Variants in ZNF331 observed in about 807,000 individuals in gnomAD.
The protein encoded by ZNF331 is zinc finger protein 331.
ZNF331 carries 2 observed loss-of-function variants against 7.0 expected under a neutral mutation model. The ratio of observed to expected loss-of-function variants is 0.29; its 90% confidence interval spans 0.12 to 0.90. ZNF331 has a LOEUF of 0.90. ZNF331 is among the 40% of genes least tolerant of loss of function. ZNF331 has a pLI of 0.58. For synonymous variants in ZNF331, 196 were observed against 205.4 expected (o/e 0.95, Z 0.39); for missense variants, 432 against 587.7 (o/e 0.74, Z 2.74).
upstream of ZNF331, among the ~76,000 whole-genome samples, chr19:53,515,018 A>G (rs2086870427): frequency 6.6e-6 from 1 of 152,214 alleles, no homozygotes; most frequent in Non-Finnish European, 1.5e-5. Flanking sequence ...ACATCCTCAG[A>G]GAAGCTTTCC....
In ZNF331 at chr19:53,578,257, G is replaced by A; in HGVS notation, c.*305G>A. The A allele has an allele frequency of 2.9e-6, 1 of 347,512 alleles. No homozygotes were observed. The highest frequency in any genetic ancestry group is 5.3e-6 in the Non-Finnish European group (1 of 187,484). The allele number at this position is 347,512 out of a possible 1,614,324, so 21.5% of individuals were successfully genotyped here. A position where few individuals can be genotyped will look rare whatever the true frequency, so the allele number is the denominator to read the frequency against. The stretch of plus-strand genomic sequence containing the variant: ...ACTATCCCAGCATCACAGTGCCTGT[G>A]CCCAAGCAGTCCTCACTTTGCTTAA... On this transcript the variant is annotated 3_prime_UTR_variant, in exon 6 of 6. Coordinates refer to ENST00000449416, the MANE Select transcript of ZNF331 (RefSeq NM_001079906.2).
At position 53,576,727 on chromosome 19, in the gene ZNF331, T is replaced by C. The variant is rs1443000856; in HGVS notation, c.167T>C (p.Leu56Ser). 6.2e-6 allele frequency: 10 copies of C among 1,611,580 alleles called. No homozygotes were observed. The highest frequency in any genetic ancestry group is 2.2e-5 in the East Asian group (1 of 44,864). Reference protein sequence around the residue: ...DLESAYENKSLPTEKNIHEIR... With the variant: ...DLESAYENKSSPTEKNIHEIR... ...GAGTCAGCATATGAAAATAAGAGTTTACCTACAGAAAAAAACATTCATGAA... is the reference window on the plus strand; with the variant it reads ...GAGTCAGCATATGAAAATAAGAGTTCACCTACAGAAAAAAACATTCATGAA... Residue 56 changes from leucine to serine, a missense_variant, in exon 6 of 6, where the codon TTA (leucine) becomes TCA (serine). Physicochemically the swap from Leu to Ser is moderately radical, Grantham distance 145 (BLOSUM62 -2). Transcript: ENST00000449416.
At chr19:53,511,131 G>A in the ZNF331 span, among the ~76,000 whole-genome samples, 1 of 152,080 alleles carries the variant, frequency 6.6e-6, no homozygotes, top group Admixed American at 6.6e-5. Flanking sequence ...AAGCAAAAGT[G>A]AAGAGAAAAC....
chr19:53,534,044 T>G (rs910334944), upstream of ZNF331, among the ~76,000 whole-genome samples: 1 of 152,222 alleles, frequency 6.6e-6, no homozygotes, highest in African/African-American at 2.4e-5. Context: ...GGCTCATGCC[T>G]GTAATAGCAG....
rs1406189949 is a variant in ZNF331 at position 53,558,117 on chromosome 19, ACT to A, written c.-74+2210_-74+2211del. Among the ~76,000 whole-genome samples, 6 of 152,210 alleles carry A rather than the reference ACT, an allele frequency of 3.9e-5. No individual in the cohort carries two copies. In the East Asian group the frequency reaches 1.2e-3, roughly 29 times the overall value. ...GAGCAAGACTGTCCCACTCTGCCCC[ACT>A]AGCCACAAGACCAGGCCTCTGGGAC... On this transcript the variant is annotated intron_variant, in intron 3 of 5. Coordinates refer to ENST00000449416, the MANE Select transcript of ZNF331 (RefSeq NM_001079906.2). This position sits in a 1 kb window ranked among gnomAD's most constrained non-coding sequence, Gnocchi z 4.5.
At chr19:53,504,212 C>T in the ZNF331 span, 5 of 323,602 alleles carry the variant, frequency 1.5e-5, no homozygotes, top group South Asian at 1.3e-4. Context: ...GTGCAGGTTT[C>T]CCAGCTGTCA....
chr19:53,542,174 A>G (rs1464614967), intron 2 of ZNF331, among the ~76,000 whole-genome samples: 1 of 152,202 alleles, frequency 6.6e-6, no homozygotes, highest in Admixed American at 6.5e-5. Context: ...CCCAGCCATG[A>G]GTCGCATTAC....
intron 2 of ZNF331, among the ~76,000 whole-genome samples, chr19:53,531,169 C>G (rs2087523838): frequency 6.6e-6 from 1 of 152,150 alleles, no homozygotes; most frequent in Admixed American, 6.5e-5. Flanking sequence ...GAGGAGGAAT[C>G]ATTTACCCAT....
chr19:53,509,206 C>T, the ZNF331 span, among the ~76,000 whole-genome samples: 1 of 152,136 alleles, frequency 6.6e-6, no homozygotes, highest in Admixed American at 6.5e-5. Flanking sequence ...TGTGCCCTTT[C>T]GGTACCCATC....
chr19:53,509,072 CTG>C, the ZNF331 span, among the ~76,000 whole-genome samples: 1 of 152,068 alleles, frequency 6.6e-6, no homozygotes, highest in African/African-American at 2.4e-5. Context: ...TGGGCCAGGA[CTG>C]TGTTAGTTTC....
intron 2 of ZNF331, among the ~76,000 whole-genome samples, chr19:53,540,260 G>A (rs1357690187): frequency 6.6e-6 from 1 of 152,136 alleles, no homozygotes; most frequent in East Asian, 1.9e-4. Flanking sequence ...AGTTCTGGAG[G>A]CTGGAAGTCT....
At chr19:53,529,574 T>A (rs1432952342) in intron 2 of ZNF331, among the ~76,000 whole-genome samples, 3 of 152,212 alleles carry the variant, frequency 2.0e-5, no homozygotes, top group Non-Finnish European at 4.4e-5. Flanking sequence ...TGCATGTGAA[T>A]CTTTATCTCC....
intron 2 of ZNF331, among the ~76,000 whole-genome samples, chr19:53,545,219 C>T (rs2088514231): frequency 6.6e-6 from 1 of 152,162 alleles, no homozygotes. Context: ...TCTTGTCTTT[C>T]TAACTGTTTC....
intron 2 of ZNF331, among the ~76,000 whole-genome samples, chr19:53,546,654 T>C (rs1186175503): frequency 6.6e-6 from 1 of 152,134 alleles, no homozygotes; most frequent in African/African-American, 2.4e-5. Flanking sequence ...ACAGATATCT[T>C]TGGTCTTTTC....
intron 2 of ZNF331, among the ~76,000 whole-genome samples, chr19:53,550,522 A>G (rs376358932): frequency 1.8e-5 from 1 of 54,188 alleles, no homozygotes; most frequent in Non-Finnish European, 4.1e-5. Flanking sequence ...TTTAAAGTCT[A>G]TTTTGTCTTT....
At chr19:53,533,321 T>A (rs2079201768), upstream of ZNF331, among the ~76,000 whole-genome samples, 1 of 152,228 alleles carries the variant, frequency 6.6e-6, no homozygotes, top group African/African-American at 2.4e-5. Context: ...TGTTATTGAT[T>A]TCTAGCTTAA....
At chr19:53,574,198 G>GT (rs1156616042) in intron 5 of ZNF331, among the ~76,000 whole-genome samples, 3 of 152,094 alleles carry the variant, frequency 2.0e-5, no homozygotes, top group Non-Finnish European at 4.4e-5. Context: ...CTAGCATTTC[G>GT]TTTTTTTAAA....
In ZNF331 at chr19:53,571,694, G is replaced by A. The variant is rs1214327591; in HGVS notation, c.100G>A (p.Val34Met). 3.1e-6 allele frequency: 5 copies of A among 1,613,084 alleles called. No homozygotes were observed. Among genetic ancestry groups the A allele is most frequent in the Non-Finnish European group, 4.2e-6 (5 of 1,179,510 alleles). Residue 34 changes from valine (V) to methionine (M), a missense_variant, in exon 5 of 6, where the codon GTG becomes ATG. Val to Met is a conservative substitution (Grantham distance 21). Transcript: ENST00000449416. The surrounding 1 kb of genome is among the most constrained non-coding windows in gnomAD (Gnocchi z 4.7). ...TGCTCAGAGGGACCTGTACTGGGAC[G>A]TGATGCTGGAGAACTACAGTAACTT... ...NSAQRDLYWD[V>M]MLENYSNLVS...
upstream of ZNF331, among the ~76,000 whole-genome samples, chr19:53,516,676 C>G (rs2086911867): frequency 6.6e-6 from 1 of 152,034 alleles, no homozygotes. Flanking sequence ...CATCTGTAGT[C>G]CAGAGCTTTT....
Sources: gnomAD v4.1 joint callset for allele counts (sites outside exome capture counted in the v4.1 genomes callset) on GRCh38, gnomAD v4.1.1 for gene constraint, Gnocchi (gnomAD v3.1) non-coding constraint, MANE v1.5 for transcripts, NCBI Gene and HGNC (gene_info 2026-07-23, HGNC 2026-07-21) for gene names.